Variants in ADAMTS17 observed in about 807,000 individuals in gnomAD.
ADAMTS17 encodes the protein ADAM metallopeptidase with thrombospondin type 1 motif 17.
Under a neutral mutation model 141.5 loss-of-function variants are expected in ADAMTS17, and 113 were observed. That is an observed-to-expected ratio of 0.80 (90% CI 0.69 to 0.93). ADAMTS17 has a LOEUF of 0.93. Ranked by LOEUF, ADAMTS17 falls within the 40% of genes least tolerant of loss-of-function variation. The pLI is 0.00. For synonymous variants in ADAMTS17, 768 were observed against 630.6 expected (o/e 1.22, Z -3.27); for missense variants, 1,659 against 1,517.9 (o/e 1.09, Z -1.54).
At chr15:100,112,177 G>A (rs1478448026) in intron 13 of ADAMTS17, among the ~76,000 whole-genome samples, 1 of 152,176 alleles carries the variant, frequency 6.6e-6, no homozygotes, top group Non-Finnish European at 1.5e-5. Flanking sequence ...GAGAAATGCG[G>A]ACTCTGCAAA....
Position 100,272,955 on chromosome 15 carries a change from T to C in ADAMTS17, c.789+8274A>G, listed in dbSNP as rs185793254. 2.8e-3 allele frequency among the ~76,000 whole-genome samples: 430 copies of C among 152,190 alleles called. 1 individual carries two copies. The highest frequency in any genetic ancestry group is 9.5e-3 in the African/African-American group (395 of 41,536). ...TTCCTGTATAAATTGGGATGATCATTTTCTCTTTTCATTTTGTTAATCAAG... is the reference window on the plus strand; with the variant it reads ...TTCCTGTATAAATTGGGATGATCATCTTCTCTTTTCATTTTGTTAATCAAG... On this transcript the variant is annotated intron_variant, in intron 4 of 21. Coordinates refer to ENST00000268070, the MANE Select transcript of ADAMTS17 (RefSeq NM_139057.4).
chr15:100,140,470 G>C (rs866534454), intron 10 of ADAMTS17, among the ~76,000 whole-genome samples: 30 of 94,064 alleles, frequency 3.2e-4, no homozygotes, highest in Admixed American at 2.9e-3. Context: ...CACACACACA[G>C]ACACACACAC....
At chr15:100,010,347 GGGAAAT>G (rs1480688093) in intron 18 of ADAMTS17, among the ~76,000 whole-genome samples, 1 of 152,204 alleles carries the variant, frequency 6.6e-6, no homozygotes, top group Non-Finnish European at 1.5e-5. Context: ...ATTGGGCATG[GGGAAAT>G]CAGGAGGTGC....
chr15:100,196,818 T>A lies in ADAMTS17; in HGVS notation c.1181+2500A>T, dbSNP rs371550577. Among the ~76,000 whole-genome samples the A allele has an allele frequency of 3.9e-4, 59 of 152,342 alleles. No individual in the cohort carries two copies. In the East Asian group the frequency reaches 6.9e-3, roughly 18 times the overall value. On this transcript the variant is annotated intron_variant, in intron 8 of 21. Coordinates refer to ENST00000268070, the MANE Select transcript of ADAMTS17 (RefSeq NM_139057.4). ...CAGCCCAGCAACCAGAGGGGCCTGC[T>A]GACGGGGAGGACATAGCTTCATCCT...
chr15:100,256,509 C>G (rs117669701), intron 6 of ADAMTS17: 1 of 152,324 alleles, frequency 6.6e-6, no homozygotes, highest in East Asian at 1.9e-4. Flanking sequence ...CATGGCCTCA[C>G]GAGCGTGGGA....
intron 10 of ADAMTS17, among the ~76,000 whole-genome samples, chr15:100,141,602 G>C (rs2038656779): frequency 6.6e-6 from 1 of 152,176 alleles, no homozygotes; most frequent in Non-Finnish European, 1.5e-5. Context: ...GGCTTCCTGA[G>C]TCCTGGGAGG....
At chr15:100,278,340 A>C (rs1400206948) in intron 4 of ADAMTS17, among the ~76,000 whole-genome samples, 1 of 151,998 alleles carries the variant, frequency 6.6e-6, no homozygotes, top group Non-Finnish European at 1.5e-5. Flanking sequence ...AAAAAAAAAA[A>C]AAACCCAGAA....
chr15:100,059,473 T>G (rs1278702635), intron 15 of ADAMTS17, among the ~76,000 whole-genome samples: 2 of 152,226 alleles, frequency 1.3e-5, no homozygotes, highest in Non-Finnish European at 2.9e-5. Flanking sequence ...CTTCCAACCT[T>G]TTCACTTTGG....
intron 18 of ADAMTS17, among the ~76,000 whole-genome samples, chr15:100,015,010 C>G (rs2141419618): frequency 6.6e-6 from 1 of 152,214 alleles, no homozygotes; most frequent in Non-Finnish European, 1.5e-5. Context: ...TTTCTTAGGT[C>G]TATTAGTAAT....
rs566341963 is a variant in ADAMTS17, at chr15:100,212,883, G to A, written c.1076-13460C>T. On this transcript the variant is annotated intron_variant, in intron 7 of 21. Coordinates refer to ENST00000268070, the MANE Select transcript of ADAMTS17 (RefSeq NM_139057.4). The stretch of plus-strand genomic sequence containing the variant: ...TGGAGTGGAGTGGGAATCAGCCAAG[G>A]TAATGCATAGGGTGACGCGTACCTT... 1.6e-4 allele frequency among the ~76,000 whole-genome samples: 24 copies of A among 152,126 alleles called. No homozygotes were observed. The South Asian group carries it at 4.8e-3, about 30-fold the overall frequency.
chr15:99,998,388 A>C (rs2060848435), intron 18 of ADAMTS17, among the ~76,000 whole-genome samples: 1 of 152,170 alleles, frequency 6.6e-6, no homozygotes, highest in Non-Finnish European at 1.5e-5. Flanking sequence ...GGATCACTTG[A>C]GGTCAGGAGA....
chr15:100,305,116 G>A (rs2045177391), intron 3 of ADAMTS17, among the ~76,000 whole-genome samples: 2 of 151,996 alleles, frequency 1.3e-5, no homozygotes, highest in African/African-American at 4.8e-5. Flanking sequence ...TGCATGTTGT[G>A]GTGCAGGAGC....
chr15:100,340,932 C>A (rs893626096), intron 2 of ADAMTS17, 107 bp downstream of exon 2: 1 of 1,479,260 alleles, frequency 6.8e-7, no homozygotes, highest in African/African-American at 1.4e-5. Flanking sequence ...TCCGGTTCCC[C>A]TGGAGGCTGG....
intron 13 of ADAMTS17, among the ~76,000 whole-genome samples, chr15:100,114,838 A>G (rs764999979): frequency 2.0e-5 from 3 of 152,242 alleles, no homozygotes; most frequent in African/African-American, 7.2e-5. Flanking sequence ...TAAGGCAACG[A>G]AACAGTCCAG....
chr15:99,972,218 T>G lies in ADAMTS17; in HGVS notation c.*2184A>C, dbSNP rs561560364. On this transcript the variant is annotated 3_prime_UTR_variant, in exon 22 of 22. Transcript: ENST00000268070. ...ATGAGCTGAGATCGCGCCACTGCACTCCAGCCTGGGCAACAGAGGGAGACT... is the reference window on the plus strand; with the variant it reads ...ATGAGCTGAGATCGCGCCACTGCACGCCAGCCTGGGCAACAGAGGGAGACT... 1 of 152,262 alleles carries G rather than the reference T, an allele frequency of 6.6e-6. No homozygotes were observed. The highest frequency in any genetic ancestry group is 2.4e-5 in the African/African-American group (1 of 41,508). 9.4% of individuals were successfully genotyped at this position (152,262 alleles called of 1,614,324 possible).
chr15:100,009,222 C>T (rs1159294515), intron 18 of ADAMTS17, among the ~76,000 whole-genome samples: 1 of 152,126 alleles, frequency 6.6e-6, no homozygotes, highest in Non-Finnish European at 1.5e-5. Context: ...TGCTGGTTTC[C>T]CTTTACAGAG....
At chr15:100,337,793 C>G (rs77106718) in intron 2 of ADAMTS17, among the ~76,000 whole-genome samples, 2,332 of 152,354 alleles carry the variant, frequency 0.015, 65 homozygotes, top group African/African-American at 0.052. Flanking sequence ...TCACTTCAGA[C>G]AAGCTGCAAA....
intron 17 of ADAMTS17, 136 bp from the exon 18 acceptor site, chr15:100,049,128 A>G: frequency 7.4e-7 from 1 of 1,351,688 alleles, no homozygotes; most frequent in Non-Finnish European, 1.0e-6. Context: ...TGTAAATGTC[A>G]TGTGGGTTTT....
intron 10 of ADAMTS17, among the ~76,000 whole-genome samples, chr15:100,144,941 C>T (rs2141308266): frequency 6.6e-6 from 1 of 152,288 alleles, no homozygotes; most frequent in Non-Finnish European, 1.5e-5. Flanking sequence ...AAAACATAAT[C>T]TACCCAGTTT....
Sources: allele counts gnomAD v4.1 joint callset (sites outside exome capture counted in the v4.1 genomes callset), GRCh38; gene constraint gnomAD v4.1.1; transcripts MANE v1.5; gene names NCBI Gene and HGNC (gene_info 2026-07-23, HGNC 2026-07-21).